The following PHLDB2 variants were observed in gnomAD, a reference collection of about 807,000 sequenced individuals.
PHLDB2 encodes the protein pleckstrin homology-like domain family B member 2.
Under a neutral mutation model 123.6 loss-of-function variants are expected in PHLDB2, and 71 were observed. That is an observed-to-expected ratio of 0.57 (90% CI 0.47 to 0.70). The LOEUF is 0.70. Ranked by LOEUF, PHLDB2 falls within the 30% of genes least tolerant of loss-of-function variation. The pLI is 0.00. For missense variants in PHLDB2, 1,446 were observed against 1,519.5 expected (o/e 0.95, Z 0.80); for synonymous variants, 547 against 541.6 (o/e 1.01, Z -0.14).
intron 1 of PHLDB2, among the ~76,000 whole-genome samples, chr3:111,749,111 A>AG (rs1255519725): frequency 6.6e-5 from 10 of 151,684 alleles, no homozygotes; most frequent in Non-Finnish European, 1.2e-4. Context: ...CTAAAAAAAA[A>AG]AAATAAGAAG....
intron 1 of PHLDB2, among the ~76,000 whole-genome samples, chr3:111,779,670 G>T (rs1392484193): frequency 6.6e-5 from 10 of 151,986 alleles, no homozygotes; most frequent in African/African-American, 2.4e-4. Flanking sequence ...ACAGTGGATT[G>T]GGCACTGGGC....
intron 1 of PHLDB2, among the ~76,000 whole-genome samples, chr3:111,869,181 A>C (rs2065225397): frequency 1.3e-5 from 2 of 152,080 alleles, no homozygotes; most frequent in South Asian, 4.2e-4. Context: ...CTTCTTTGAC[A>C]GAGCTCAGAC....
chr3:111,748,342 C>G (rs577360088), intron 1 of PHLDB2, among the ~76,000 whole-genome samples: 1 of 152,254 alleles, frequency 6.6e-6, no homozygotes, highest in East Asian at 1.9e-4. Context: ...CCAGATGTTC[C>G]TAGTGGCCTG....
At chr3:111,966,524 T>TTG in intron 13 of PHLDB2, 89 bp from the exon 14 acceptor site, 1 of 501,554 alleles carries the variant, frequency 2.0e-6, no homozygotes, top group South Asian at 2.5e-5. Context: ...TGTGTGTGTC[T>TTG]GGGGTGTGTG....
At chr3:111,796,741 G>A (rs1347236987) in intron 1 of PHLDB2, among the ~76,000 whole-genome samples, 1 of 152,102 alleles carries the variant, frequency 6.6e-6, no homozygotes, top group Non-Finnish European at 1.5e-5. Context: ...TAGCCAGGCA[G>A]TTCTAAAACT....
At chr3:111,740,175 T>C (rs1336718067) in intron 1 of PHLDB2, among the ~76,000 whole-genome samples, 2 of 152,120 alleles carry the variant, frequency 1.3e-5, no homozygotes, top group African/African-American at 2.4e-5. Context: ...GTTTACCTTA[T>C]CACCCAGACC....
chr3:111,806,253 A>G (rs1322847795), intron 1 of PHLDB2, among the ~76,000 whole-genome samples: 1 of 152,178 alleles, frequency 6.6e-6, no homozygotes, highest in African/African-American at 2.4e-5. Flanking sequence ...TGATTATGCA[A>G]CCAGCACCAC....
intron 1 of PHLDB2, among the ~76,000 whole-genome samples, chr3:111,815,456 G>T (rs1348223112): frequency 6.6e-6 from 1 of 152,114 alleles, no homozygotes; most frequent in African/African-American, 2.4e-5. Context: ...AGGCTGAGGT[G>T]GTCTCAGATG....
intron 1 of PHLDB2, among the ~76,000 whole-genome samples, chr3:111,834,134 T>TATATGTAATAGAATTATATATATTA (rs1559857968): frequency 4.2e-3 from 92 of 21,708 alleles, no homozygotes; most frequent in South Asian, 0.01. Flanking sequence ...TATATATATA[T>TATATGTAATAGAATTATATATATTA]TATATGTAAT....
intron 1 of PHLDB2, chr3:111,859,899 CAG>C (rs1448471452): frequency 1.6e-5 from 16 of 985,384 alleles, no homozygotes; most frequent in African/African-American, 3.5e-5. Context: ...TCCGGGGACA[CAG>C]AGTTTCTTTG....
At chr3:111,888,750 T>A (rs891950189) in intron 2 of PHLDB2, among the ~76,000 whole-genome samples, 9 of 152,356 alleles carry the variant, frequency 5.9e-5, no homozygotes, top group Admixed American at 3.9e-4. Context: ...ACATTTTTAA[T>A]GCATTACATT....
At chr3:111,775,548 A>C (rs890801231) in intron 1 of PHLDB2, among the ~76,000 whole-genome samples, 2 of 152,142 alleles carry the variant, frequency 1.3e-5, no homozygotes, top group Non-Finnish European at 2.9e-5. Context: ...ACAATAATCA[A>C]TTCAGATTTT....
chr3:111,846,072 G>T, intron 2 of PHLDB2: 1 of 873,938 alleles, frequency 1.1e-6, no homozygotes, highest in Non-Finnish European at 1.8e-6. Context: ...CCTGAGGCTG[G>T]CAATCCTTGC....
chr3:111,762,508 G>A (rs2060012199), intron 1 of PHLDB2, among the ~76,000 whole-genome samples: 1 of 152,180 alleles, frequency 6.6e-6, no homozygotes, highest in Non-Finnish European at 1.5e-5. Context: ...CTGAAGTTAT[G>A]CCTTGTGATG....
intron 2 of PHLDB2, among the ~76,000 whole-genome samples, chr3:111,897,880 C>T (rs1158054334): frequency 6.6e-6 from 1 of 152,140 alleles, no homozygotes; most frequent in East Asian, 1.9e-4. Context: ...AGAAGGCGAA[C>T]ATCATAATAA....
chr3:111,819,828 A>G (rs145640975), intron 1 of PHLDB2, among the ~76,000 whole-genome samples: 323 of 152,340 alleles, frequency 2.1e-3, no homozygotes, highest in African/African-American at 7.3e-3. Flanking sequence ...ACAAATACCA[A>G]TGGAATCTGA....
At chr3:111,804,397 G>C (rs751060717) in intron 1 of PHLDB2, among the ~76,000 whole-genome samples, 2 of 152,180 alleles carry the variant, frequency 1.3e-5, no homozygotes, top group Non-Finnish European at 1.5e-5. Flanking sequence ...CTTTGGCGAA[G>C]TTTTAACAAT....
chr3:111,939,176 C>A (rs144327314), intron 6 of PHLDB2, among the ~76,000 whole-genome samples: 21 of 150,728 alleles, frequency 1.4e-4, no homozygotes, highest in Non-Finnish European at 2.2e-4. Flanking sequence ...AGGTTATTTA[C>A]TGAGTTGTTT....
chr3:111,891,128 T>G (rs1322857264), intron 2 of PHLDB2, among the ~76,000 whole-genome samples: 1 of 152,116 alleles, frequency 6.6e-6, no homozygotes, highest in African/African-American at 2.4e-5. Context: ...AGGACATTAA[T>G]GGATAAGGTG....
Sources: allele counts gnomAD v4.1 joint callset (sites outside exome capture counted in the v4.1 genomes callset), GRCh38; gene constraint gnomAD v4.1.1; transcripts MANE v1.5; gene names NCBI Gene and HGNC (gene_info 2026-07-23, HGNC 2026-07-21).